Variants in ATP6V1C2 observed in about 807,000 individuals in gnomAD.
ATP6V1C2 encodes the protein ATPase H+ transporting V1 subunit C2.
Under a neutral mutation model 56.8 loss-of-function variants are expected in ATP6V1C2, and 45 were observed. That is an observed-to-expected ratio of 0.79 (90% CI 0.62 to 1.02). ATP6V1C2 has a LOEUF of 1.02. ATP6V1C2 is among the 50% of genes least tolerant of loss of function. The pLI is 0.00. For missense variants in ATP6V1C2, 463 were observed against 519.7 expected (o/e 0.89, Z 1.06); for synonymous variants, 220 against 201.3 (o/e 1.09, Z -0.79).
Position 10,731,063 on chromosome 2 carries a change from C to T in ATP6V1C2, c.197+4494C>T, listed in dbSNP as rs138883478. Among the ~76,000 whole-genome samples, 443 of 152,114 alleles carry T rather than the reference C, an allele frequency of 2.9e-3. 3 individuals are homozygous for T. Among genetic ancestry groups the T allele is most frequent in the African/African-American group, 9.9e-3 (410 of 41,500 alleles). ...ACCTCTCTGGCTCAAGTGATCCTCCCGCCTCAGCCTCTCAAGTAGCTGGGA... is the reference window on the plus strand; with the variant it reads ...ACCTCTCTGGCTCAAGTGATCCTCCTGCCTCAGCCTCTCAAGTAGCTGGGA... On this transcript the variant is annotated intron_variant, in intron 3 of 13. Coordinates refer to ENST00000272238, the MANE Select transcript of ATP6V1C2 (RefSeq NM_001039362.2).
chr2:10,740,846 C>T (rs1300692889), intron 3 of ATP6V1C2, among the ~76,000 whole-genome samples: 1 of 152,104 alleles, frequency 6.6e-6, no homozygotes, highest in Non-Finnish European at 1.5e-5. Flanking sequence ...GCCACCAGGC[C>T]CGGCTAATTT....
At chr2:10,727,227 GC>G (rs1370486274) in intron 3 of ATP6V1C2, among the ~76,000 whole-genome samples, 2 of 151,894 alleles carry the variant, frequency 1.3e-5, no homozygotes, top group Non-Finnish European at 2.9e-5. Flanking sequence ...CCTCCACCAT[GC>G]CCAGCTAACT....
intron 3 of ATP6V1C2, among the ~76,000 whole-genome samples, chr2:10,736,344 GCT>G (rs1489463570): frequency 6.6e-6 from 1 of 152,156 alleles, no homozygotes. Context: ...CAGTACTGTT[GCT>G]CTGTTAGTTT....
In ATP6V1C2 at chr2:10,780,479, C is replaced by A. The variant is rs1199603060; in HGVS notation, c.1062-1764C>A. ...TCTTCTGCCCTGCACATGCACCGCA[C>A]CCACACCTGTACCCATGCGCACCTG... On this transcript the variant is annotated intron_variant, in intron 12 of 13. Coordinates refer to ENST00000272238, the MANE Select transcript of ATP6V1C2 (RefSeq NM_001039362.2). The surrounding 1 kb of genome is among the most constrained non-coding windows in gnomAD (Gnocchi z 4.1). Among the ~76,000 whole-genome samples the A allele has an allele frequency of 6.6e-6, 1 of 152,226 alleles. No individual in the cohort carries two copies. The highest frequency in any genetic ancestry group is 2.1e-4 in the South Asian group (1 of 4,836).
At chr2:10,777,496 T>C in intron 10 of ATP6V1C2, 89 bp from the exon 11 acceptor site, 1 of 1,531,724 alleles carries the variant, frequency 6.5e-7, no homozygotes, top group Non-Finnish European at 8.8e-7. Flanking sequence ...CTGAGCTTGC[T>C]CTCGCGTGCC....
intron 6 of ATP6V1C2, among the ~76,000 whole-genome samples, chr2:10,771,408 C>T (rs560205536): frequency 9.2e-5 from 14 of 152,344 alleles, no homozygotes; most frequent in African/African-American, 2.2e-4. Flanking sequence ...TAAAGTGACA[C>T]GGAGCTCTAT....
At chr2:10,757,511 G>A (rs1279621997) in intron 4 of ATP6V1C2, 3 of 398,392 alleles carry the variant, frequency 7.5e-6, no homozygotes, top group Non-Finnish European at 8.8e-6. Flanking sequence ...CGCATGTCCC[G>A]GGAAGGTGGA....
chr2:10,773,670 A>G (rs1199896155), intron 8 of ATP6V1C2, among the ~76,000 whole-genome samples: 1 of 152,212 alleles, frequency 6.6e-6, no homozygotes, highest in African/African-American at 2.4e-5. Context: ...CGTGTGAGCC[A>G]CCACACCCAG....
At chr2:10,767,057 T>C (rs1664268738) in intron 5 of ATP6V1C2, among the ~76,000 whole-genome samples, 1 of 152,086 alleles carries the variant, frequency 6.6e-6, no homozygotes, top group Non-Finnish European at 1.5e-5. Context: ...AAAGATGCAT[T>C]TTATTAAGAA....
chr2:10,751,792 T>C (rs1663230434), intron 3 of ATP6V1C2, among the ~76,000 whole-genome samples: 1 of 152,102 alleles, frequency 6.6e-6, no homozygotes, highest in Admixed American at 6.6e-5. Context: ...CACTAAATAA[T>C]AGGTGATATC....
At chr2:10,724,804 CT>C (rs1224096775) in intron 2 of ATP6V1C2, among the ~76,000 whole-genome samples, 5 of 151,908 alleles carry the variant, frequency 3.3e-5, no homozygotes, top group African/African-American at 9.7e-5. Flanking sequence ...TCCCCAGTAG[CT>C]GGGATTACAG....
At chr2:10,781,433 G>A (rs1330717324) in intron 12 of ATP6V1C2, among the ~76,000 whole-genome samples, 3 of 151,922 alleles carry the variant, frequency 2.0e-5, no homozygotes, top group South Asian at 2.1e-4. Flanking sequence ...AGCCGAGATC[G>A]CACCATTGCA....
intron 2 of ATP6V1C2, among the ~76,000 whole-genome samples, chr2:10,726,289 TA>T (rs1483494764): frequency 2.6e-5 from 4 of 152,228 alleles, no homozygotes; most frequent in Non-Finnish European, 2.9e-5. Flanking sequence ...ATGGCAGGCA[TA>T]TGACAGTTTA....
chr2:10,773,043 T>A (rs1664731359), intron 8 of ATP6V1C2, among the ~76,000 whole-genome samples: 1 of 152,096 alleles, frequency 6.6e-6, no homozygotes, highest in African/African-American at 2.4e-5. Context: ...AGAGCAGCAG[T>A]AGCCAGTGGG....
Position 10,737,251 on chromosome 2 carries a change from C to T in ATP6V1C2, c.197+10682C>T, listed in dbSNP as rs1662298383. Among the ~76,000 whole-genome samples the T allele has an allele frequency of 1.1e-4, 6 of 54,852 alleles. No homozygotes were observed. In the South Asian group the frequency reaches 4.7e-3, roughly 43 times the overall value. The allele number at this position is 54,852 out of a possible 152,430, so 36.0% of individuals were successfully genotyped here. On this transcript the variant is annotated intron_variant, in intron 3 of 13. Transcript: ENST00000272238. Reference sequence around the variant, plus strand: ...CCAACATGGCAAAACCCCATCTCTACTAAAAATACAAAAAAAAAAAAAAAA... The same window carrying T: ...CCAACATGGCAAAACCCCATCTCTATTAAAAATACAAAAAAAAAAAAAAAA...
chr2:10,783,602 A>G lies in ATP6V1C2; in HGVS notation c.*339A>G, dbSNP rs185405157. 5.4e-4 allele frequency: 102 copies of G among 190,276 alleles called. No homozygotes were observed. The highest frequency in any genetic ancestry group is 2.1e-3 in the African/African-American group (89 of 42,108). 11.8% of individuals were successfully genotyped at this position (190,276 alleles called of 1,614,324 possible). On this transcript the variant is annotated 3_prime_UTR_variant, in exon 14 of 14. Transcript: ENST00000272238. ...AAAGCCTTGAACTGTATAACCAGCTAGATTCCTTAATAATTAGTCACTAGA... is the reference window on the plus strand; with the variant it reads ...AAAGCCTTGAACTGTATAACCAGCTGGATTCCTTAATAATTAGTCACTAGA...
chr2:10,727,481 A>T (rs1031336606), intron 3 of ATP6V1C2, among the ~76,000 whole-genome samples: 1 of 151,880 alleles, frequency 6.6e-6, no homozygotes, highest in African/African-American at 2.4e-5. Context: ...GCTTGAACCC[A>T]GGAGCTTGAG....
intron 3 of ATP6V1C2, 148 bp downstream of exon 3, chr2:10,726,717 G>A (rs775182175): frequency 9.5e-5 from 68 of 717,178 alleles, no homozygotes; most frequent in Middle Eastern, 3.6e-4. Flanking sequence ...GTCCCCCTGC[G>A]GGTGCTGGGT....
chr2:10,729,377 T>A (rs1215354983), intron 3 of ATP6V1C2, among the ~76,000 whole-genome samples: 1 of 152,044 alleles, frequency 6.6e-6, no homozygotes, highest in Non-Finnish European at 1.5e-5. Context: ...TCGGCCAGGC[T>A]GGTCTCGAAC....
Sources: gnomAD v4.1 joint callset for allele counts (sites outside exome capture counted in the v4.1 genomes callset) on GRCh38, gnomAD v4.1.1 for gene constraint, Gnocchi (gnomAD v3.1) non-coding constraint, MANE v1.5 for transcripts, NCBI Gene and HGNC (gene_info 2026-07-23, HGNC 2026-07-21) for gene names.